SLC20A1: variants seen among roughly 807,000 people sequenced by gnomAD.
SLC20A1 encodes solute carrier family 20 member 1, also known as sodium-dependent phosphate transporter 1.
In SLC20A1, 28 loss-of-function variants were observed where a neutral mutation model predicts 62.7. The observed-to-expected ratio is 0.45, with a 90% CI of 0.33 to 0.61. The LOEUF (loss-of-function observed/expected upper bound fraction) is 0.61. SLC20A1 is among the 20% of genes least tolerant of loss of function. The probability of loss-of-function intolerance (pLI) is 0.02; values close to 1 mark genes in which losing one functional copy is unlikely to be tolerated. For missense variants in SLC20A1, 673 were observed against 838.6 expected, an observed-to-expected ratio of 0.80 and a Z score of 2.44; for synonymous variants, 305 against 302.9, an observed-to-expected ratio of 1.01 and a Z score of -0.07.
Position 112,661,237 on chromosome 2 carries a change from T to G in SLC20A1, c.1878+11T>G, listed in dbSNP as rs1558696228. 6.3e-7 allele frequency: 1 copy of G among 1,583,090 alleles called. No homozygotes were observed. Among genetic ancestry groups the G allele is most frequent in the Non-Finnish European group, 8.7e-7 (1 of 1,152,020 alleles). ...ACAACACATTGTAAAGTAAGTGTAA[T>G]GCCAATGTGTGTCTTTCAAATGGTT... is the stretch of plus-strand genomic sequence containing the variant. On this transcript the variant is annotated intron_variant, in intron 10 of 10. Coordinates refer to ENST00000272542, the MANE Select transcript of SLC20A1 (RefSeq NM_005415.5).
intron 4 of SLC20A1, among the ~76,000 whole-genome samples, chr2:112,648,118 T>A (rs537082603): frequency 1.2e-4 from 18 of 152,344 alleles, no homozygotes; most frequent in Admixed American, 3.9e-4. Flanking sequence ...CTGTGGCTTT[T>A]TTAACTAAGC....
At position 112,647,086 on chromosome 2, in the gene SLC20A1, G is replaced by C. The variant is rs1241041086; in HGVS notation, c.258G>C (p.Arg86=). 3 of 1,614,200 alleles carry C rather than the reference G, an allele frequency of 1.9e-6. No homozygotes were observed. Among genetic ancestry groups the C allele is most frequent in the Non-Finnish European group, 2.5e-6 (3 of 1,180,044 alleles). The change falls in exon 2 of 11, where the codon CGG becomes CGC. Residue 86 remains arginine, a synonymous_variant. Coordinates refer to ENST00000272542, the MANE Select transcript of SLC20A1 (RefSeq NM_005415.5). ...GGGCCAAAGTGAGCGAAACCATCCGGAAGGGCTTGATTGACGTGGAGATGT... is the reference window on the plus strand; with the variant it reads ...GGGCCAAAGTGAGCGAAACCATCCGCAAGGGCTTGATTGACGTGGAGATGT... ...LLGAKVSETI[R]KGLIDVEMYN...
In SLC20A1 at chr2:112,659,439, G is replaced by A. The variant is rs1469595033; in HGVS notation, c.1284G>A (p.Met428Ile). The stretch of plus-strand genomic sequence containing the variant: ...CCTATACCATGGCAATATGTGGCAT[G>A]CCTCTGGATTCATTCCGTGCCAAAG... ...YTSYTMAICG[M>I]PLDSFRAKEG... The change falls in exon 8 of 11, where the codon ATG becomes ATA. Residue 428 changes from methionine (M) to isoleucine (I), a missense_variant. Met to Ile is a conservative substitution (Grantham distance 10). Coordinates refer to ENST00000272542, the MANE Select transcript of SLC20A1 (RefSeq NM_005415.5). 6.2e-7 allele frequency: 1 copy of A among 1,614,120 alleles called. No individual in the cohort carries two copies. Among genetic ancestry groups the A allele is most frequent in the Non-Finnish European group, 8.5e-7 (1 of 1,180,046 alleles).
At chr2:112,653,009 T>C in intron 5 of SLC20A1, 2 of 1,224,672 alleles carry the variant, frequency 1.6e-6, no homozygotes, top group Non-Finnish European at 2.3e-6. Context: ...TCTAAATCAC[T>C]ACAGACCTTT....
At chr2:112,655,768 T>C in intron 5 of SLC20A1, among the ~76,000 whole-genome samples, 1 of 152,072 alleles carries the variant, frequency 6.6e-6, no homozygotes, top group East Asian at 1.9e-4. Flanking sequence ...GGCACGATCT[T>C]GGCTCACTGC....
In SLC20A1 at chr2:112,659,513, C is replaced by T. The variant is rs1048833347; in HGVS notation, c.1358C>T (p.Ala453Val). 1 of 1,614,130 alleles carries T rather than the reference C, an allele frequency of 6.2e-7. No homozygotes were observed. The highest frequency in any genetic ancestry group is 8.5e-7 in the Non-Finnish European group (1 of 1,180,058). The change falls in exon 8 of 11, where the codon GCA (alanine) becomes GTA (valine). Residue 453 changes from alanine to valine, a missense_variant. By Grantham distance (64) the Ala-to-Val change is moderately conservative. Coordinates refer to ENST00000272542, the MANE Select transcript of SLC20A1 (RefSeq NM_005415.5). Reference protein sequence around the residue: ...EEMEKLTWPNADSKKRIRMDS... With the variant: ...EEMEKLTWPNVDSKKRIRMDS... Reference sequence around the variant, plus strand: ...ATGGAGAAGCTGACATGGCCTAATGCAGACTCCAAGAAGCGAATTCGAATG... The same window carrying T: ...ATGGAGAAGCTGACATGGCCTAATGTAGACTCCAAGAAGCGAATTCGAATG...
chr2:112,660,565 C>T lies in SLC20A1; in HGVS notation c.1786C>T (p.Pro596Ser). Reference sequence around the variant, plus strand: ...GGGGAAGGATCTGACACCGATCACACCCTCTAGGTAAGTAGGTGGAGCAGG... The same window carrying T: ...GGGGAAGGATCTGACACCGATCACATCCTCTAGGTAAGTAGGTGGAGCAGG... Reference protein sequence around the residue: ...TMGKDLTPITPSSGFSIELAS... With the variant: ...TMGKDLTPITSSSGFSIELAS... Residue 596 changes from proline (P) to serine (S), a missense_variant, in exon 9 of 11, where the codon CCC (proline) becomes TCC (serine). Physicochemically the swap from Pro to Ser is moderately conservative, Grantham distance 74. Coordinates refer to ENST00000272542, the MANE Select transcript of SLC20A1 (RefSeq NM_005415.5). 1 of 1,613,350 alleles carries T rather than the reference C, an allele frequency of 6.2e-7. No individual in the cohort carries two copies. The highest frequency in any genetic ancestry group is 8.5e-7 in the Non-Finnish European group (1 of 1,179,722).
intron 10 of SLC20A1, 122 bp downstream of exon 10, chr2:112,661,348 A>G (rs1357998114): frequency 6.2e-6 from 4 of 644,764 alleles, no homozygotes; most frequent in Non-Finnish European, 1.1e-5. Context: ...AAGAGTTCAT[A>G]AGTTATTTCT....
In SLC20A1 at chr2:112,647,653, T is replaced by C; in HGVS notation, c.476T>C (p.Val159Ala). ...TTTTTCTTAATGTGTTCTATTCCAGTGATGTCTTGGTTCGTGTCCCCACTG... is the reference window on the plus strand; with the variant it reads ...TTTTTCTTAATGTGTTCTATTCCAGCGATGTCTTGGTTCGTGTCCCCACTG... ...GVKWSELIKIVMSWFVSPLLS... is the reference protein window; with the variant it reads ...GVKWSELIKIAMSWFVSPLLS... Residue 159 changes from valine to alanine, a missense_variant and splice_region_variant, in exon 4 of 11, where the codon GTG becomes GCG. By Grantham distance (64) the Val-to-Ala change is moderately conservative (BLOSUM62 0). Coordinates refer to ENST00000272542, the MANE Select transcript of SLC20A1 (RefSeq NM_005415.5). The C allele has an allele frequency of 6.2e-7, 1 of 1,612,364 alleles. No homozygotes were observed. The highest frequency in any genetic ancestry group is 8.5e-7 in the Non-Finnish European group (1 of 1,178,372).
chr2:112,662,003 A>G (rs1686761887), intron 10 of SLC20A1, among the ~76,000 whole-genome samples: 1 of 152,198 alleles, frequency 6.6e-6, no homozygotes, highest in Admixed American at 6.5e-5. Context: ...GAGGCTTGCC[A>G]AAATGTTGGC....
At chr2:112,655,240 A>G (rs1686550924) in intron 5 of SLC20A1, among the ~76,000 whole-genome samples, 1 of 152,024 alleles carries the variant, frequency 6.6e-6, no homozygotes, top group Non-Finnish European at 1.5e-5. Context: ...AAGTGCTGGG[A>G]TTACAGGCGT....
At chr2:112,656,732 T>A (rs757164094) in intron 5 of SLC20A1, among the ~76,000 whole-genome samples, 49 of 74,170 alleles carry the variant, frequency 6.6e-4, no homozygotes, top group Non-Finnish European at 1.2e-3. Flanking sequence ...TAGGTGGTAA[T>A]GGAATATGTG....
In SLC20A1 at chr2:112,646,767, C is replaced by A. The variant is rs1686290734; in HGVS notation, c.-62C>A. On this transcript the variant is annotated 5_prime_UTR_variant, in exon 2 of 11. In the 5' UTR this introduces an upstream ATG that the reference lacks. Coordinates refer to ENST00000272542, the MANE Select transcript of SLC20A1 (RefSeq NM_005415.5). ...TATAGCATTTTTGATACCTCATATT[C>A]TGTTTACACATCTTGAAAGGCGCTC... 2 of 1,052,752 alleles carry A rather than the reference C, an allele frequency of 1.9e-6. No individual in the cohort carries two copies. The highest frequency in any genetic ancestry group is 1.4e-6 in the Non-Finnish European group (1 of 704,146). The allele number at this position is 1,052,752 out of a possible 1,614,324, so 65.2% of individuals were successfully genotyped here. A position where few individuals can be genotyped will look rare whatever the true frequency, so the allele number is the denominator to read the frequency against.
chr2:112,646,471 T>C (rs1686280082), intron 1 of SLC20A1, 92 bp from the exon 2 acceptor site: 1 of 152,446 alleles, frequency 6.6e-6, no homozygotes, highest in South Asian at 2.1e-4. Context: ...CGGCAGAGGC[T>C]ATTGCGGGAC....
At chr2:112,657,982 T>C (rs1021692375) in intron 6 of SLC20A1, among the ~76,000 whole-genome samples, 2 of 152,236 alleles carry the variant, frequency 1.3e-5, no homozygotes, top group Admixed American at 6.5e-5. Context: ...AGTTGAAGTT[T>C]ATCGTTTCGA....
chr2:112,659,466 A>G lies in SLC20A1; in HGVS notation c.1311A>G (p.Glu437=). ...CTCTGGATTCATTCCGTGCCAAAGAAGGTGAACAGAAGGGCGAAGAAATGG... is the reference window on the plus strand; with the variant it reads ...CTCTGGATTCATTCCGTGCCAAAGAGGGTGAACAGAAGGGCGAAGAAATGG... ...GMPLDSFRAK[E]GEQKGEEMEK... Residue 437 remains glutamate, a synonymous_variant, in exon 8 of 11, where the codon GAA becomes GAG. Transcript: ENST00000272542. The G allele has an allele frequency of 1.2e-6, 2 of 1,614,264 alleles. No individual in the cohort carries two copies. Among genetic ancestry groups the G allele is most frequent in the South Asian group, 2.2e-5 (2 of 91,088 alleles).
rs1686286258 is a variant in SLC20A1 at position 112,646,625 on chromosome 2, G to A, written c.-204G>A. ...TCTGCTCCGTGCTTTTAGCCCTCCT[G>A]AGCCAAAGAAACCCCAGACAACAGA... On this transcript the variant is annotated 5_prime_UTR_variant, in exon 2 of 11. Transcript: ENST00000272542. 1 of 229,092 alleles carries A rather than the reference G, an allele frequency of 4.4e-6. No individual in the cohort carries two copies. The highest frequency in any genetic ancestry group is 8.2e-6 in the Non-Finnish European group (1 of 122,568). 14.2% of individuals were successfully genotyped at this position (229,092 alleles called of 1,614,324 possible). A position where few individuals can be genotyped will look rare whatever the true frequency, so the allele number is the denominator to read the frequency against.
In SLC20A1 at chr2:112,660,425, A is replaced by G. The variant is rs1239105437; in HGVS notation, c.1646A>G (p.Tyr549Cys). The G allele has an allele frequency of 1.9e-6, 3 of 1,614,116 alleles. No homozygotes were observed. Among genetic ancestry groups the G allele is most frequent in the East Asian group, 2.2e-5 (1 of 44,882 alleles). The change falls in exon 9 of 11, where the codon TAT (tyrosine) becomes TGT (cysteine). Residue 549 changes from tyrosine (Y) to cysteine (C), a missense_variant. Transcript: ENST00000272542. Reference sequence around the variant, plus strand: ...CCTCTGGTTGCTTTATATTTGGTTTATGACACAGGAGATGTTTCTTCAAAA... The same window carrying G: ...CCTCTGGTTGCTTTATATTTGGTTTGTGACACAGGAGATGTTTCTTCAAAA... The part of the protein sequence containing the change: ...IGPLVALYLV[Y>C]DTGDVSSKVA...
At chr2:112,656,951 C>A in intron 5 of SLC20A1, 171 bp from the exon 6 acceptor site, 1 of 777,364 alleles carries the variant, frequency 1.3e-6, no homozygotes, top group Non-Finnish European at 2.2e-6. Context: ...AGTTTTTCTC[C>A]CAAATTTGTA....
Sources: allele counts gnomAD v4.1 joint callset (sites outside exome capture counted in the v4.1 genomes callset), GRCh38; gene constraint gnomAD v4.1.1; transcripts MANE v1.5; gene names NCBI Gene and HGNC (gene_info 2026-07-23, HGNC 2026-07-21).